The following BAG1 variants were observed in gnomAD, a reference collection of about 807,000 sequenced individuals.
BAG1 encodes BAG family molecular chaperone regulator 1.
A neutral mutation model predicts 35.5 loss-of-function variants in BAG1; 35 were observed. The observed-to-expected ratio is 0.99, with a 90% CI of 0.75 to 1.31. The LOEUF (loss-of-function observed/expected upper bound fraction) is 1.31, where lower values mean the gene tolerates loss of function less well. Ranked by LOEUF, BAG1 falls within the 50% of genes most tolerant of loss-of-function variation. The pLI, the probability that BAG1 is intolerant of heterozygous loss-of-function variation, is 0.00. For synonymous variants in BAG1, 191 were observed against 178.9 expected, an observed-to-expected ratio of 1.07 and a Z score of -0.54; for missense variants, 464 against 453.6, an observed-to-expected ratio of 1.02 and a Z score of -0.21.
intron 1 of BAG1, 108 bp from the exon 2 acceptor site, chr9:33,262,938 G>A: frequency 1.4e-6 from 2 of 1,469,438 alleles, no homozygotes; most frequent in Middle Eastern, 2.3e-4. Context: ...CAGCTCATAT[G>A]CCACCTACTC....
intron 4 of BAG1, 143 bp from the exon 5 acceptor site, chr9:33,257,051 T>G (rs988779812): frequency 1.6e-6 from 1 of 615,874 alleles, no homozygotes; most frequent in Non-Finnish European, 2.8e-6. Flanking sequence ...CTTTAACTCT[T>G]GGAAAAATTA....
rs1346270044 is a variant in BAG1, at chr9:33,264,444, C to T, written c.231G>A (p.Arg77=). The T allele has an allele frequency of 6.2e-7, 1 of 1,613,624 alleles. No homozygotes were observed. Among genetic ancestry groups the T allele is most frequent in the Non-Finnish European group, 8.5e-7 (1 of 1,179,704 alleles). The change falls in exon 1 of 7, where the codon CGG becomes CGA. Residue 77 remains arginine, a synonymous_variant. Transcript: ENST00000634734. ...ACTCCTCGCTCCGGGTCGAGCGGCG[C>T]CGGGTTTTCTTCTTCATCCGCGGCC...
chr9:33,258,909 A>G lies in BAG1; in HGVS notation c.777+11T>C, dbSNP rs2117950055. 6.2e-7 allele frequency: 1 copy of G among 1,608,932 alleles called. No individual in the cohort carries two copies. ...AGAAGGCAGAAAGTTAAGGTCCATG[A>G]AGAGAGTTACCTGCTGGATTCCAGT... is the stretch of plus-strand genomic sequence containing the variant. On this transcript the variant is annotated intron_variant, in intron 4 of 6. Coordinates refer to ENST00000634734, the MANE Select transcript of BAG1 (RefSeq NM_004323.6).
rs757821182 is a variant in BAG1 at position 33,264,544 on chromosome 9, G to A, written c.131C>T (p.Ser44Phe). ...AGTACTCCGGGCAGGTGGACGCCCAGAGGGAGGCGGACCACGCTGGGCCGG... is the reference window on the plus strand; with the variant it reads ...AGTACTCCGGGCAGGTGGACGCCCAAAGGGAGGCGGACCACGCTGGGCCGG... The change falls in exon 1 of 7, where the codon TCT (serine) becomes TTT (phenylalanine). Residue 44 changes from serine (S) to phenylalanine (F), a missense_variant. Physicochemically the swap from Ser to Phe is radical, Grantham distance 155. Transcript: ENST00000634734. 52 of 1,519,082 alleles carry A rather than the reference G, an allele frequency of 3.4e-5. No homozygotes were observed. In the African/African-American group the frequency reaches 6.9e-4, roughly 20 times the overall value. The allele number at this position is 1,519,082 out of a possible 1,614,324, so 94.1% of individuals were successfully genotyped here.
intron 2 of BAG1, chr9:33,262,063 C>T: frequency 1.6e-6 from 2 of 1,239,836 alleles, no homozygotes; most frequent in Non-Finnish European, 2.1e-6. Flanking sequence ...GCAAAAATAG[C>T]AGGGAGTACC....
In BAG1 at chr9:33,264,478, CCGG is replaced by C; in HGVS notation, c.194_196del (p.Ala65del). 1.2e-6 allele frequency: 2 copies of C among 1,611,726 alleles called. No homozygotes were observed. Among genetic ancestry groups the C allele is most frequent in the Non-Finnish European group, 1.7e-6 (2 of 1,179,334 alleles). On this transcript the variant is annotated inframe_deletion, in exon 1 of 7. Coordinates refer to ENST00000634734, the MANE Select transcript of BAG1 (RefSeq NM_004323.6). ...CTTCTTCATCCGCGGCCTGCGAGCG[CCGG>C]CGGCGGCGCCCCTGGTGGGTCGGTC... is the stretch of plus-strand genomic sequence containing the variant.
At position 33,262,849 on chromosome 9, in the gene BAG1, A is replaced by G; in HGVS notation, c.452-19T>C. The stretch of plus-strand genomic sequence containing the variant: ...TCATTGCCTGGGGAGAAAGAAAAGC[A>G]TTTGACGAATATGATTCTTTCACAT... On this transcript the variant is annotated intron_variant, in intron 1 of 6. Coordinates refer to ENST00000634734, the MANE Select transcript of BAG1 (RefSeq NM_004323.6). 6.2e-7 allele frequency: 1 copy of G among 1,608,886 alleles called. No homozygotes were observed. The highest frequency in any genetic ancestry group is 8.5e-7 in the Non-Finnish European group (1 of 1,178,380).
chr9:33,261,124 ATTCCAAGTGCTGACAACGGTGT>A lies in BAG1; in HGVS notation c.604_625del (p.Thr202TyrfsTer9). 1 of 1,611,120 alleles carries A rather than the reference ATTCCAAGTGCTGACAACGGTGT, an allele frequency of 6.2e-7. No individual in the cohort carries two copies. The highest frequency in any genetic ancestry group is 8.5e-7 in the Non-Finnish European group (1 of 1,178,980). ...TAACATGACCCGGCAACCATCTTGT[ATTCCAAGTGCTGACAACGGTGT>A]TTCCATTTCCTTCAGAGATTTTCCT... On this transcript the variant is annotated frameshift_variant, in exon 3 of 7. Coordinates refer to ENST00000634734, the MANE Select transcript of BAG1 (RefSeq NM_004323.6). LOFTEE classifies it high-confidence loss of function.
chr9:33,254,872 G>T lies in BAG1; in HGVS notation c.*347C>A. 1 of 484,968 alleles carries T rather than the reference G, an allele frequency of 2.1e-6. No individual in the cohort carries two copies. The highest frequency in any genetic ancestry group is 3.5e-6 in the Non-Finnish European group (1 of 285,760). The allele number at this position is 484,968 out of a possible 1,614,324, so 30.0% of individuals were successfully genotyped here. On this transcript the variant is annotated 3_prime_UTR_variant, in exon 7 of 7. Transcript: ENST00000634734. Reference sequence around the variant, plus strand: ...CCCTCATGTATCTGAAGACTGAGGGGGCCTATAAACCTGAAACTGGCCCAA... The same window carrying T: ...CCCTCATGTATCTGAAGACTGAGGGTGCCTATAAACCTGAAACTGGCCCAA...
chr9:33,257,604 C>T (rs1010432207), intron 4 of BAG1: 1 of 152,020 alleles, frequency 6.6e-6, no homozygotes, highest in Non-Finnish European at 1.5e-5. Flanking sequence ...AATTCCAACT[C>T]AAAGAATTTA....
chr9:33,254,847 C>A lies in BAG1; in HGVS notation c.*372G>T, dbSNP rs1461590734. ...CTACACGATCACAAGAGCAAAGAAGCCCTCATGTATCTGAAGACTGAGGGG... is the reference window on the plus strand; with the variant it reads ...CTACACGATCACAAGAGCAAAGAAGACCTCATGTATCTGAAGACTGAGGGG... On this transcript the variant is annotated 3_prime_UTR_variant, in exon 7 of 7. Coordinates refer to ENST00000634734, the MANE Select transcript of BAG1 (RefSeq NM_004323.6). 2.5e-6 allele frequency: 1 copy of A among 404,336 alleles called. No homozygotes were observed. 25.0% of individuals were successfully genotyped at this position (404,336 alleles called of 1,614,324 possible).
chr9:33,262,165 T>C, intron 2 of BAG1: 1 of 1,289,818 alleles, frequency 7.8e-7, no homozygotes, highest in Non-Finnish European at 1.0e-6. Flanking sequence ...GCCATCATCA[T>C]AAGACTTCAA....
chr9:33,258,070 C>T (rs1411154243), intron 4 of BAG1: 1 of 152,018 alleles, frequency 6.6e-6, no homozygotes, highest in African/African-American at 2.4e-5. Flanking sequence ...GCGGGCAGAT[C>T]ACTTGAGGTC....
intron 3 of BAG1, among the ~76,000 whole-genome samples, chr9:33,260,842 A>C (rs1306478218): frequency 1.3e-5 from 2 of 152,238 alleles, no homozygotes; most frequent in African/African-American, 4.8e-5. Context: ...CAAAACAAAA[A>C]ACATATTATT....
chr9:33,262,023 A>G (rs1820581802), intron 2 of BAG1: 1 of 1,197,632 alleles, frequency 8.3e-7, no homozygotes, highest in East Asian at 5.9e-5. Context: ...TAAGAAAATG[A>G]TTATTTAATA....
chr9:33,255,354 G>A (rs369195280), intron 6 of BAG1, 46 bp from the exon 7 acceptor site: 325 of 1,612,820 alleles, frequency 2.0e-4, no homozygotes, highest in Non-Finnish European at 2.6e-4. Flanking sequence ...AGGGGTAGCC[G>A]ACCACTGCCC....
chr9:33,263,491 C>G (rs573758789), intron 1 of BAG1, among the ~76,000 whole-genome samples: 1 of 152,306 alleles, frequency 6.6e-6, no homozygotes, highest in East Asian at 1.9e-4. Flanking sequence ...AGCCTGTGTA[C>G]AGTACATTAC....
chr9:33,256,941 C>G, intron 4 of BAG1, 33 bp from the exon 5 acceptor site: 1 of 1,543,948 alleles, frequency 6.5e-7, no homozygotes, highest in Non-Finnish European at 9.0e-7. Flanking sequence ...TGCAAGGGTT[C>G]TCTGAGGCTG....
chr9:33,258,291 T>C (rs1397205481), intron 4 of BAG1, among the ~76,000 whole-genome samples: 1 of 74,974 alleles, frequency 1.3e-5, no homozygotes, highest in African/African-American at 5.3e-5. Context: ...AGAGCGAGAC[T>C]CCATATCAAA....
Sources: gnomAD v4.1 joint callset for allele counts (sites outside exome capture counted in the v4.1 genomes callset) on GRCh38, gnomAD v4.1.1 for gene constraint, MANE v1.5 for transcripts, NCBI Gene and HGNC (gene_info 2026-07-23, HGNC 2026-07-21) for gene names.